Variants in CDH4 observed in about 807,000 individuals in gnomAD.
The protein encoded by CDH4 is cadherin 4.
CDH4 carries 33 observed loss-of-function variants against 86.0 expected under a neutral mutation model. That is an observed-to-expected ratio of 0.38 (90% CI 0.29 to 0.51). The LOEUF is 0.51. Among genes scored for constraint, CDH4 ranks in the 20% least tolerant of loss-of-function variants. The pLI is 0.86. For missense variants in CDH4, 1,114 were observed against 1,307.4 expected, an observed-to-expected ratio of 0.85 and a Z score of 2.28; for synonymous variants, 555 against 549.4, an observed-to-expected ratio of 1.01 and a Z score of -0.14.
chr20:61,867,520 T>C (rs1442530799), intron 6 of CDH4, among the ~76,000 whole-genome samples: 3 of 147,900 alleles, frequency 2.0e-5, no homozygotes, highest in Non-Finnish European at 4.5e-5. Flanking sequence ...ACTGCCCTCC[T>C]GCCTGGGCGA....
intron 2 of CDH4, among the ~76,000 whole-genome samples, chr20:61,626,825 G>GAAGGGT (rs2086833798): frequency 1.3e-5 from 2 of 152,176 alleles, no homozygotes; most frequent in Non-Finnish European, 2.9e-5. Flanking sequence ...TTTAAATTGC[G>GAAGGGT]CTCGAAGGGT....
At chr20:61,282,295 G>T (rs370168605) in intron 2 of CDH4, among the ~76,000 whole-genome samples, 1 of 152,128 alleles carries the variant, frequency 6.6e-6, no homozygotes, top group African/African-American at 2.4e-5. Flanking sequence ...GAAGACGGAG[G>T]TTTCAGTGAG....
At chr20:61,442,751 G>C (rs903304175) in intron 2 of CDH4, among the ~76,000 whole-genome samples, 2 of 152,196 alleles carry the variant, frequency 1.3e-5, no homozygotes, top group Non-Finnish European at 2.9e-5. Flanking sequence ...GGAAACAAGC[G>C]GCAAAGAAGA....
chr20:61,409,182 C>T (rs999240001), intron 2 of CDH4, among the ~76,000 whole-genome samples: 50 of 152,286 alleles, frequency 3.3e-4, no homozygotes, highest in African/African-American at 1.1e-3. Context: ...AGTGGCTGGG[C>T]GCCTCACCAT....
intron 2 of CDH4, among the ~76,000 whole-genome samples, chr20:61,264,713 C>T (rs1265755975): frequency 5.6e-5 from 8 of 141,816 alleles, no homozygotes; most frequent in African/African-American, 1.9e-4. Flanking sequence ...TCATTCAGTC[C>T]TACACATACC....
chr20:61,571,303 C>T (rs1228505973), intron 2 of CDH4, among the ~76,000 whole-genome samples: 1 of 152,178 alleles, frequency 6.6e-6, no homozygotes, highest in Non-Finnish European at 1.5e-5. Context: ...CATCCTCAGG[C>T]ACACTCAGGT....
chr20:61,926,700 G>A (rs1228736240), intron 11 of CDH4, among the ~76,000 whole-genome samples: 1 of 152,110 alleles, frequency 6.6e-6, no homozygotes, highest in African/African-American at 2.4e-5. Flanking sequence ...GTGAAACCCC[G>A]TCTTTACTAA....
chr20:61,415,196 C>G (rs576149006), intron 2 of CDH4, among the ~76,000 whole-genome samples: 1 of 152,290 alleles, frequency 6.6e-6, no homozygotes, highest in African/African-American at 2.4e-5. Flanking sequence ...TTCTCTGCCC[C>G]CCTACCCCAG....
At chr20:61,686,462 CATTTGCGTGT>C (rs2087575940) in intron 2 of CDH4, among the ~76,000 whole-genome samples, 2 of 134,960 alleles carry the variant, frequency 1.5e-5, no homozygotes, top group African/African-American at 5.5e-5. Flanking sequence ...CGTGTGTGTG[CATTTGCGTGT>C]ATATGTGCGT....
chr20:61,632,546 C>G (rs948974086), intron 2 of CDH4, among the ~76,000 whole-genome samples: 2 of 152,110 alleles, frequency 1.3e-5, no homozygotes, highest in East Asian at 1.9e-4. Context: ...CGGCTTCCCC[C>G]TCCCGGGCTG....
intron 2 of CDH4, among the ~76,000 whole-genome samples, chr20:61,682,664 T>C (rs2087530079): frequency 6.6e-6 from 1 of 151,980 alleles, no homozygotes; most frequent in Non-Finnish European, 1.5e-5. Flanking sequence ...GATAAAGCAA[T>C]TACTGGAGGA....
intron 3 of CDH4, among the ~76,000 whole-genome samples, chr20:61,756,797 C>T (rs1451906557): frequency 6.6e-6 from 1 of 152,090 alleles, no homozygotes; most frequent in South Asian, 2.1e-4. Context: ...GGCTACAGGT[C>T]ATCAGGGCAG....
chr20:61,751,699 T>C, intron 3 of CDH4, among the ~76,000 whole-genome samples: 1 of 152,254 alleles, frequency 6.6e-6, no homozygotes, highest in Non-Finnish European at 1.5e-5. Context: ...TGTAAGTACC[T>C]ATACGATGTC....
chr20:61,254,377 GCCTCCT>G (rs1449650725), intron 1 of CDH4, among the ~76,000 whole-genome samples: 1 of 152,218 alleles, frequency 6.6e-6, no homozygotes, highest in African/African-American at 2.4e-5. Flanking sequence ...ACAAGAAGCT[GCCTCCT>G]CCGCCTTACC....
intron 2 of CDH4, among the ~76,000 whole-genome samples, chr20:61,425,446 G>T (rs533348377): frequency 6.6e-6 from 1 of 152,228 alleles, no homozygotes; most frequent in African/African-American, 2.4e-5. Context: ...TGTCTGAAAG[G>T]GGGGCTGGGG....
chr20:61,670,177 A>G (rs558107479), intron 2 of CDH4, among the ~76,000 whole-genome samples: 1 of 152,190 alleles, frequency 6.6e-6, no homozygotes, highest in Non-Finnish European at 1.5e-5. Flanking sequence ...GATTTCAGGA[A>G]TGGCTAGACT....
rs184256592 is a variant in CDH4, at chr20:61,537,306, A to G, written c.170-206257A>G. Among the ~76,000 whole-genome samples, 24 of 152,264 alleles carry G rather than the reference A, an allele frequency of 1.6e-4. 1 individual carries two copies. The highest frequency in any genetic ancestry group is 1.3e-3 in the Admixed American group (20 of 15,294). On this transcript the variant is annotated intron_variant, in intron 2 of 15. Transcript: ENST00000614565. Reference sequence around the variant, plus strand: ...ATTTTACTTATCCTTCATTGCTTGCAATTTTTCTCTCCTCAGTAGCCATTG... The same window carrying G: ...ATTTTACTTATCCTTCATTGCTTGCGATTTTTCTCTCCTCAGTAGCCATTG...
intron 2 of CDH4, among the ~76,000 whole-genome samples, chr20:61,334,660 C>A (rs2084607639): frequency 6.6e-6 from 1 of 152,232 alleles, no homozygotes; most frequent in Admixed American, 6.5e-5. Context: ...GGTCCCGCCT[C>A]TTTGTGCCAC....
At chr20:61,749,386 C>T (rs2088459710) in intron 3 of CDH4, among the ~76,000 whole-genome samples, 2 of 152,182 alleles carry the variant, frequency 1.3e-5, no homozygotes, top group Admixed American at 1.3e-4. Flanking sequence ...TATAAAAGCA[C>T]AGAAACCAAC....
Sources: allele counts gnomAD v4.1 joint callset (sites outside exome capture counted in the v4.1 genomes callset), GRCh38; gene constraint gnomAD v4.1.1; transcripts MANE v1.5; gene names NCBI Gene and HGNC (gene_info 2026-07-23, HGNC 2026-07-21).